The following PARD3 variants were observed in gnomAD, a reference collection of about 807,000 sequenced individuals.
PARD3 encodes the protein par-3 family cell polarity regulator, also known as partitioning defective 3 homolog.
A neutral mutation model predicts 155.4 loss-of-function variants in PARD3; 75 were observed. That is an observed-to-expected ratio of 0.48 (90% CI 0.40 to 0.58). PARD3 has a LOEUF of 0.58. Ranked by LOEUF, PARD3 falls within the 20% of genes least tolerant of loss-of-function variation. The pLI is 0.00. For synonymous variants in PARD3, 576 were observed against 610.5 expected (o/e 0.94, Z 0.83); for missense variants, 1,642 against 1,721.7 (o/e 0.95, Z 0.82).
intron 22 of PARD3, among the ~76,000 whole-genome samples, chr10:34,216,755 AATGG>A (rs1952021126): frequency 6.6e-6 from 1 of 152,214 alleles, no homozygotes; most frequent in South Asian, 2.1e-4. Flanking sequence ...ATGTTTTATA[AATGG>A]CAGTAATGTA....
At chr10:34,680,458 G>T (rs550035016) in intron 2 of PARD3, among the ~76,000 whole-genome samples, 6 of 151,798 alleles carry the variant, frequency 4.0e-5, no homozygotes, top group Non-Finnish European at 7.4e-5. Flanking sequence ...TACTCTGGAG[G>T]ATGAGGCAGG....
chr10:34,521,709 T>C (rs999741410), intron 2 of PARD3, among the ~76,000 whole-genome samples: 1 of 152,202 alleles, frequency 6.6e-6, no homozygotes, highest in African/African-American at 2.4e-5. Flanking sequence ...CAAGTCACTT[T>C]AACTATGAAA....
At chr10:34,472,946 AACAG>A (rs2078450655) in intron 3 of PARD3, among the ~76,000 whole-genome samples, 1 of 152,236 alleles carries the variant, frequency 6.6e-6, no homozygotes, top group Non-Finnish European at 1.5e-5. Flanking sequence ...GTTAGTCTGC[AACAG>A]ACAGACAAAA....
intron 19 of PARD3, among the ~76,000 whole-genome samples, chr10:34,318,685 C>G (rs370445819): frequency 5.3e-5 from 8 of 152,202 alleles, no homozygotes; most frequent in Non-Finnish European, 1.2e-4. Context: ...GGTATAGCTA[C>G]GCCCAAGTAA....
chr10:34,603,475 GAAGAC>G, intron 2 of PARD3, among the ~76,000 whole-genome samples: 1 of 152,200 alleles, frequency 6.6e-6, no homozygotes, highest in Non-Finnish European at 1.5e-5. Flanking sequence ...ATGTGAAGAG[GAAGAC>G]AAACAGTCAC....
intron 3 of PARD3, among the ~76,000 whole-genome samples, chr10:34,487,217 G>A (rs546664314): frequency 8.6e-5 from 13 of 151,886 alleles, no homozygotes; most frequent in African/African-American, 2.2e-4. Context: ...AAGGTCGGCC[G>A]GGCAGGCATT....
intron 9 of PARD3, among the ~76,000 whole-genome samples, chr10:34,381,392 A>G (rs937884095): frequency 6.6e-6 from 1 of 152,218 alleles, no homozygotes; most frequent in South Asian, 2.1e-4. Context: ...TTAAAAATAT[A>G]TCAAAATGCT....
At chr10:34,274,919 G>C (rs1955803687) in intron 21 of PARD3, among the ~76,000 whole-genome samples, 1 of 152,130 alleles carries the variant, frequency 6.6e-6, no homozygotes, top group Non-Finnish European at 1.5e-5. Context: ...TTGCACATCA[G>C]TTTCATTATA....
At chr10:34,227,711 C>A (rs1952670733) in intron 22 of PARD3, among the ~76,000 whole-genome samples, 2 of 151,322 alleles carry the variant, frequency 1.3e-5, no homozygotes, top group African/African-American at 4.9e-5. Context: ...GGAATGCTTA[C>A]AAACTGCTGG....
chr10:34,115,903 A>G (rs1424563817), intron 24 of PARD3, among the ~76,000 whole-genome samples: 1 of 152,014 alleles, frequency 6.6e-6, no homozygotes, highest in Non-Finnish European at 1.5e-5. Context: ...TAGTAGAGAC[A>G]AGGTTTCACC....
chr10:34,685,651 TG>T (rs1564506164), intron 2 of PARD3, among the ~76,000 whole-genome samples: 1 of 150,670 alleles, frequency 6.6e-6, no homozygotes, highest in African/African-American at 2.4e-5. Flanking sequence ...TGGAGTGCAG[TG>T]GGGCAATCTC....
At chr10:34,753,123 C>T (rs1448246749) in intron 1 of PARD3, among the ~76,000 whole-genome samples, 1 of 152,174 alleles carries the variant, frequency 6.6e-6, no homozygotes, top group Non-Finnish European at 1.5e-5. Context: ...TGAAAAGCAC[C>T]TCGATTCTCC....
intron 15 of PARD3, chr10:34,344,985 C>T (rs1390737677): frequency 3.0e-6 from 3 of 984,968 alleles, no homozygotes; most frequent in Admixed American, 6.2e-5. Flanking sequence ...AAAGATTTAA[C>T]GTCTTTGATT....
intron 2 of PARD3, among the ~76,000 whole-genome samples, chr10:34,570,901 A>G (rs930258139): frequency 2.0e-5 from 3 of 152,206 alleles, no homozygotes; most frequent in African/African-American, 7.2e-5. Flanking sequence ...AGGTGTCCCT[A>G]GACCACATTC....
chr10:34,310,184 T>A (rs780749319), intron 20 of PARD3, among the ~76,000 whole-genome samples: 1 of 152,188 alleles, frequency 6.6e-6, no homozygotes, highest in Non-Finnish European at 1.5e-5. Context: ...GTAAACAATA[T>A]GGAACCTTAA....
intron 15 of PARD3, chr10:34,345,792 G>A: frequency 1.0e-6 from 1 of 985,322 alleles, no homozygotes; most frequent in Non-Finnish European, 1.2e-6. Flanking sequence ...TCTTGAACAG[G>A]ATTTCTAACT....
At chr10:34,776,254 A>G (rs887959746) in intron 1 of PARD3, among the ~76,000 whole-genome samples, 1 of 152,236 alleles carries the variant, frequency 6.6e-6, no homozygotes, top group African/African-American at 2.4e-5. Flanking sequence ...CCAGCAGGAC[A>G]CCATCTCTAA....
chr10:34,181,197 G>C (rs1327770012), intron 22 of PARD3, among the ~76,000 whole-genome samples: 2 of 152,136 alleles, frequency 1.3e-5, no homozygotes, highest in Non-Finnish European at 2.9e-5. Context: ...TTCTGTAGTG[G>C]ATTTTCTTTT....
intron 22 of PARD3, among the ~76,000 whole-genome samples, chr10:34,269,388 A>C (rs1382546223): frequency 2.0e-5 from 3 of 152,206 alleles, no homozygotes; most frequent in African/African-American, 7.2e-5. Context: ...TATTTGAGTT[A>C]TAAAGTAGAG....
Sources: allele counts gnomAD v4.1 joint callset (sites outside exome capture counted in the v4.1 genomes callset), GRCh38; gene constraint gnomAD v4.1.1; transcripts MANE v1.5; gene names NCBI Gene and HGNC (gene_info 2026-07-23, HGNC 2026-07-21).